The following MTMR8 variants were observed in gnomAD, a reference collection of about 807,000 sequenced individuals.
The protein encoded by MTMR8 is myotubularin related protein 8.
MTMR8 carries 65 observed loss-of-function variants against 39.3 expected under a neutral mutation model. The observed-to-expected ratio is 1.65, with a 90% CI of 1.35 to 2.03. MTMR8 has a LOEUF of 2.03. MTMR8 is among the 30% of genes most tolerant of loss of function. The probability of loss-of-function intolerance (pLI) is 0.00; values close to 1 mark genes in which losing one functional copy is unlikely to be tolerated. For synonymous variants in MTMR8, 245 were observed against 185.2 expected (o/e 1.32, Z -2.62); for missense variants, 777 against 538.9 (o/e 1.44, Z -4.37).
In MTMR8 at chrX:64,359,609, C is replaced by T. The variant is rs113282706; in HGVS notation, c.25-82G>A. The T allele has an allele frequency of 3.5e-3, 3,481 of 993,887 alleles. 71 individuals carry two copies. In the African/African-American group the frequency reaches 0.05, roughly 14 times the overall value. The allele number at this position is 993,887 out of a possible 1,213,427, so 81.9% of individuals were successfully genotyped here. A position where few individuals can be genotyped will look rare whatever the true frequency, so the allele number is the denominator to read the frequency against. ...GTGGGGCCATTCAAAGCAAGATAAA[C>T]GCTGTTAATTTGCTACAAAACTCGA... On this transcript the variant is annotated intron_variant, in intron 1 of 13. Coordinates refer to ENST00000374852, the MANE Select transcript of MTMR8 (RefSeq NM_017677.4).
chrX:64,285,690 T>C (rs1194498840), intron 12 of MTMR8, among the ~76,000 whole-genome samples: 3 of 111,721 alleles, frequency 2.7e-5, no homozygotes, highest in Non-Finnish European at 5.6e-5. Context: ...ACTGCTCAAC[T>C]ACATGGAAAC....
At chrX:64,383,736 C>G (rs761054111) in intron 1 of MTMR8, among the ~76,000 whole-genome samples, 4 of 110,467 alleles carry the variant, frequency 3.6e-5, no homozygotes, top group African/African-American at 1.3e-4. Flanking sequence ...GAGAGATGCA[C>G]CCCCATCATC....
intron 12 of MTMR8, among the ~76,000 whole-genome samples, chrX:64,301,749 G>T (rs1679471630): frequency 9.0e-6 from 1 of 111,427 alleles, no homozygotes; most frequent in Admixed American, 9.5e-5. Context: ...GTACAGATGG[G>T]TTTTCGGTGT....
chrX:64,324,129 C>T (rs763376714), intron 12 of MTMR8, among the ~76,000 whole-genome samples: 27 of 111,776 alleles, frequency 2.4e-4, no homozygotes, highest in Non-Finnish European at 4.9e-4. Flanking sequence ...TTTGGGGGGG[C>T]CAAAGTGGGA....
intron 4 of MTMR8, 82 bp downstream of exon 4, chrX:64,354,695 C>G: frequency 1.0e-6 from 1 of 973,659 alleles, no homozygotes; most frequent in Non-Finnish European, 1.4e-6. Context: ...AGTCATTTCT[C>G]TCTTTTTTCA....
intron 12 of MTMR8, among the ~76,000 whole-genome samples, chrX:64,310,200 C>T (rs184550682): frequency 1.3e-4 from 14 of 111,941 alleles, no homozygotes; most frequent in African/African-American, 3.9e-4. Flanking sequence ...GCTATCATTT[C>T]GACAATGTTC....
At chrX:64,336,302 G>C (rs992764889) in intron 9 of MTMR8, among the ~76,000 whole-genome samples, 174 bp from the exon 10 acceptor site, 1 of 110,593 alleles carries the variant, frequency 9.0e-6, no homozygotes, top group Non-Finnish European at 1.9e-5. Flanking sequence ...GCCTATACAG[G>C]GTGCCTTCAA....
intron 12 of MTMR8, among the ~76,000 whole-genome samples, chrX:64,292,444 A>G (rs1602111416): frequency 9.0e-6 from 1 of 111,079 alleles, no homozygotes; most frequent in East Asian, 2.9e-4. Flanking sequence ...GTTGCTTTTC[A>G]CCAGGGTTTG....
At position 64,282,148 on chromosome X, in the gene MTMR8, G is replaced by A. The variant is rs747831791; in HGVS notation, c.1482-11075C>T. 3.6e-5 allele frequency among the ~76,000 whole-genome samples: 4 copies of A among 111,578 alleles called. No individual in the cohort carries two copies. The South Asian group carries it at 1.5e-3, about 42-fold the overall frequency. On this transcript the variant is annotated intron_variant, in intron 12 of 13. Transcript: ENST00000374852. ...GAATGTAAATCAGTTCAACCACTGTGGAAGACAGGGTGGAGATTCCTCAAT... is the reference window on the plus strand; with the variant it reads ...GAATGTAAATCAGTTCAACCACTGTAGAAGACAGGGTGGAGATTCCTCAAT...
At chrX:64,301,713 T>A (rs1602117972) in intron 12 of MTMR8, among the ~76,000 whole-genome samples, 1 of 111,461 alleles carries the variant, frequency 9.0e-6, no homozygotes, top group East Asian at 2.8e-4. Flanking sequence ...CGGTTTTATC[T>A]ACTTTTGGTC....
At chrX:64,287,879 A>G (rs1314982060) in intron 12 of MTMR8, among the ~76,000 whole-genome samples, 3 of 105,612 alleles carry the variant, frequency 2.8e-5, no homozygotes, top group African/African-American at 6.8e-5. Context: ...GAAAACCTAG[A>G]CAATACCTTT....
At chrX:64,304,860 TTATATATATA>T (rs751399962) in intron 12 of MTMR8, among the ~76,000 whole-genome samples, 307 of 28,564 alleles carry the variant, frequency 0.011, 4 homozygotes, top group Middle Eastern at 0.12. Flanking sequence ...GATCAAACAT[TTATATATATA>T]TATATATATA....
intron 12 of MTMR8, among the ~76,000 whole-genome samples, chrX:64,307,278 T>C (rs1202767709): frequency 8.9e-6 from 1 of 112,228 alleles, no homozygotes; most frequent in Non-Finnish European, 1.9e-5. Flanking sequence ...TTTCCTGTTA[T>C]GAATCATACT....
chrX:64,387,500 C>T (rs927892650), intron 1 of MTMR8, among the ~76,000 whole-genome samples: 1 of 110,944 alleles, frequency 9.0e-6, no homozygotes, highest in Non-Finnish European at 1.9e-5. Flanking sequence ...AGGCAGGAAT[C>T]CTGTGCCTAT....
At chrX:64,274,614 T>G (rs1017374793) in intron 12 of MTMR8, among the ~76,000 whole-genome samples, 1 of 112,178 alleles carries the variant, frequency 8.9e-6, no homozygotes, top group East Asian at 2.8e-4. Context: ...TCATGTTCAT[T>G]CTGGCATTAT....
intron 12 of MTMR8, among the ~76,000 whole-genome samples, chrX:64,308,391 G>T (rs771960068): frequency 2.1e-5 from 2 of 95,745 alleles, no homozygotes; most frequent in Non-Finnish European, 4.0e-5. Flanking sequence ...GGAGGGTCTC[G>T]ATCTCCTGAC....
intron 4 of MTMR8, 72 bp downstream of exon 4, chrX:64,354,705 A>G: frequency 1.9e-6 from 2 of 1,032,561 alleles, no homozygotes; most frequent in South Asian, 4.7e-5. Context: ...CTCTTTTTTC[A>G]AAATCTTGTT....
chrX:64,383,171 G>A (rs1208914084), intron 1 of MTMR8, among the ~76,000 whole-genome samples: 1 of 110,894 alleles, frequency 9.0e-6, no homozygotes, highest in Non-Finnish European at 1.9e-5. Context: ...CCTGCCCCTA[G>A]GATTCTGTCC....
intron 1 of MTMR8, among the ~76,000 whole-genome samples, chrX:64,361,888 AC>A (rs1197995960): frequency 9.0e-6 from 1 of 110,939 alleles, no homozygotes; most frequent in Non-Finnish European, 1.9e-5. Flanking sequence ...TATATTTGGC[AC>A]CACTTACAGA....
Sources: allele counts gnomAD v4.1 joint callset (sites outside exome capture counted in the v4.1 genomes callset), GRCh38; gene constraint gnomAD v4.1.1; transcripts MANE v1.5; gene names NCBI Gene and HGNC (gene_info 2026-07-23, HGNC 2026-07-21).